RUNDC3B: variants seen among roughly 807,000 people sequenced by gnomAD.
RUNDC3B encodes the protein RUN domain containing 3B, also known as RUN domain-containing protein 3B.
Under a neutral mutation model 58.4 loss-of-function variants are expected in RUNDC3B, and 33 were observed. The observed-to-expected ratio is 0.56, with a 90% CI of 0.43 to 0.75. The LOEUF is 0.75. Ranked by LOEUF, RUNDC3B falls within the 30% of genes least tolerant of loss-of-function variation. The probability of loss-of-function intolerance (pLI) is 0.00; values close to 1 mark genes in which losing one functional copy is unlikely to be tolerated. For missense variants in RUNDC3B, 501 were observed against 535.7 expected, an observed-to-expected ratio of 0.94 and a Z score of 0.64; for synonymous variants, 193 against 195.2, an observed-to-expected ratio of 0.99 and a Z score of 0.10.
At chr7:87,710,964 TTAAG>T (rs912998508) in intron 4 of RUNDC3B, among the ~76,000 whole-genome samples, 12 of 152,220 alleles carry the variant, frequency 7.9e-5, no homozygotes, top group African/African-American at 2.9e-4. Context: ...GGATTTGAAT[TTAAG>T]TATGAAATTT....
At chr7:87,771,818 CAAAT>C (rs1024979682) in intron 7 of RUNDC3B, among the ~76,000 whole-genome samples, 2 of 152,042 alleles carry the variant, frequency 1.3e-5, no homozygotes, top group Admixed American at 6.5e-5. Context: ...GCAGAGTAAA[CAAAT>C]AAATTTGTAG....
chr7:87,762,850 G>A (rs1481440591), intron 6 of RUNDC3B, among the ~76,000 whole-genome samples: 1 of 150,384 alleles, frequency 6.6e-6, no homozygotes, highest in Non-Finnish European at 1.5e-5. Flanking sequence ...CTTTAAGTAT[G>A]TGTTTAAAAA....
chr7:87,668,102 A>C (rs981387684), intron 2 of RUNDC3B, among the ~76,000 whole-genome samples: 2 of 149,632 alleles, frequency 1.3e-5, no homozygotes, highest in Middle Eastern at 3.6e-3. Flanking sequence ...TCAGTTATGA[A>C]TCCATCAGGC....
intron 10 of RUNDC3B, among the ~76,000 whole-genome samples, chr7:87,818,960 A>G (rs1292184743): frequency 6.6e-6 from 1 of 152,208 alleles, no homozygotes; most frequent in Non-Finnish European, 1.5e-5. Context: ...GCACACTGAT[A>G]GGAGGTACTT....
At chr7:87,692,145 T>TA (rs1006747825) in intron 2 of RUNDC3B, among the ~76,000 whole-genome samples, 7 of 152,192 alleles carry the variant, frequency 4.6e-5, no homozygotes, top group Admixed American at 2.6e-4. Flanking sequence ...AACAGCTTTT[T>TA]AAAAAAATAA....
At chr7:87,702,422 G>T (rs1225137870) in intron 3 of RUNDC3B, among the ~76,000 whole-genome samples, 1 of 151,812 alleles carries the variant, frequency 6.6e-6, no homozygotes, top group African/African-American at 2.4e-5. Flanking sequence ...GGGACTACAG[G>T]GGCATGCCAC....
chr7:87,754,081 A>G (rs1457403493), intron 6 of RUNDC3B, among the ~76,000 whole-genome samples: 4 of 151,700 alleles, frequency 2.6e-5, no homozygotes, highest in Admixed American at 2.6e-4. Flanking sequence ...TTGTGCTGAA[A>G]AGGGCTTTGT....
chr7:87,813,225 T>G (rs1836820156), intron 9 of RUNDC3B, among the ~76,000 whole-genome samples: 1 of 152,204 alleles, frequency 6.6e-6, no homozygotes, highest in African/African-American at 2.4e-5. Context: ...TGTGACAAAT[T>G]AAAGGGGAGA....
chr7:87,631,833 A>G (rs1821255770), intron 1 of RUNDC3B, among the ~76,000 whole-genome samples: 1 of 152,238 alleles, frequency 6.6e-6, no homozygotes, highest in South Asian at 2.1e-4. Flanking sequence ...CAACCTTTCC[A>G]TTTGTTCATT....
intron 2 of RUNDC3B, among the ~76,000 whole-genome samples, chr7:87,652,621 GATATATATAT>G (rs373344881): frequency 8.0e-6 from 1 of 125,414 alleles, no homozygotes. Flanking sequence ...TGTGGTCACT[GATATATATAT>G]ATATATATAT....
intron 1 of RUNDC3B, among the ~76,000 whole-genome samples, chr7:87,642,660 T>C (rs1326176900): frequency 1.3e-5 from 2 of 152,044 alleles, no homozygotes; most frequent in Non-Finnish European, 2.9e-5. Flanking sequence ...CTTGAAGTTC[T>C]AGGGTACATG....
intron 7 of RUNDC3B, among the ~76,000 whole-genome samples, chr7:87,773,512 A>G (rs1245052207): frequency 6.6e-6 from 1 of 152,162 alleles, no homozygotes; most frequent in East Asian, 1.9e-4. Context: ...GATTGAACGG[A>G]TATAGTGAAC....
chr7:87,748,115 G>A (rs1832753641), intron 6 of RUNDC3B, among the ~76,000 whole-genome samples: 1 of 152,176 alleles, frequency 6.6e-6, no homozygotes, highest in Non-Finnish European at 1.5e-5. Flanking sequence ...GTACAGGCAG[G>A]AATGGCCTTC....
intron 8 of RUNDC3B, among the ~76,000 whole-genome samples, chr7:87,795,630 C>A (rs2130913992): frequency 6.6e-6 from 1 of 151,536 alleles, no homozygotes; most frequent in South Asian, 2.1e-4. Context: ...GTAATCCCAA[C>A]ACTTTAGGAG....
At chr7:87,725,552 T>G (rs1426977650) in intron 4 of RUNDC3B, among the ~76,000 whole-genome samples, 2 of 152,160 alleles carry the variant, frequency 1.3e-5, no homozygotes, top group East Asian at 1.9e-4. Context: ...AATAAACATA[T>G]GTGTGCATGT....
intron 4 of RUNDC3B, among the ~76,000 whole-genome samples, chr7:87,714,955 A>G (rs1460207267): frequency 6.6e-6 from 1 of 151,924 alleles, no homozygotes; most frequent in Non-Finnish European, 1.5e-5. Context: ...TGGCAGTCCA[A>G]CCTGGCATTG....
intron 7 of RUNDC3B, among the ~76,000 whole-genome samples, chr7:87,775,530 G>C (rs539079516): frequency 6.6e-6 from 1 of 152,094 alleles, no homozygotes; most frequent in African/African-American, 2.4e-5. Context: ...TAGCCTAGGC[G>C]TACAGTGTTT....
intron 2 of RUNDC3B, among the ~76,000 whole-genome samples, chr7:87,670,206 A>C (rs1042396600): frequency 6.6e-6 from 1 of 151,762 alleles, no homozygotes; most frequent in Non-Finnish European, 1.5e-5. Context: ...TGACTTTCTT[A>C]TTTCAGAGAA....
chr7:87,686,333 T>A (rs1188841598), intron 2 of RUNDC3B, among the ~76,000 whole-genome samples: 1 of 152,174 alleles, frequency 6.6e-6, no homozygotes, highest in Non-Finnish European at 1.5e-5. Context: ...ACTAATGTCA[T>A]CAAGTCATAA....
Sources: allele counts gnomAD v4.1 joint callset (sites outside exome capture counted in the v4.1 genomes callset), GRCh38; gene constraint gnomAD v4.1.1; transcripts MANE v1.5; gene names NCBI Gene and HGNC (gene_info 2026-07-23, HGNC 2026-07-21).